Variants in SLC24A2 observed in about 807,000 individuals in gnomAD.
SLC24A2 encodes the protein solute carrier family 24 member 2, also known as sodium/potassium/calcium exchanger 2.
In SLC24A2, 36 loss-of-function variants were observed where a neutral mutation model predicts 62.0. The observed-to-expected ratio is 0.58, with a 90% confidence interval of 0.44 to 0.77. SLC24A2 has a LOEUF of 0.77. SLC24A2 is among the 30% of genes least tolerant of loss of function. The pLI is 0.00. For missense variants in SLC24A2, 846 were observed against 817.9 expected, an observed-to-expected ratio of 1.03 and a Z score of -0.42; for synonymous variants, 358 against 294.0, an observed-to-expected ratio of 1.22 and a Z score of -2.23.
the SLC24A2 span, among the ~76,000 whole-genome samples, chr9:20,232,629 CT>C: frequency 3.3e-5 from 5 of 151,904 alleles, no homozygotes; most frequent in South Asian, 2.1e-4. Context: ...TCTCTCTTTT[CT>C]TCTTTATTAG....
chr9:20,238,821 G>T, the SLC24A2 span, among the ~76,000 whole-genome samples: 858 of 152,318 alleles, frequency 5.6e-3, 4 homozygotes, highest in African/African-American at 0.019. Context: ...TATAGTTAAG[G>T]TTAAATGATA....
the SLC24A2 span, among the ~76,000 whole-genome samples, chr9:20,300,777 T>C: frequency 6.6e-6 from 1 of 152,214 alleles, no homozygotes; most frequent in Admixed American, 6.5e-5. Context: ...GTCTGGAACT[T>C]ATTAAAGACT....
At chr9:20,283,751 AGG>A in the SLC24A2 span, among the ~76,000 whole-genome samples, 16,042 of 79,548 alleles carry the variant, frequency 0.2, 1,730 homozygotes, top group East Asian at 0.6. Context: ...AGAAAAAAAA[AGG>A]GGGGGGGGGG....
chr9:19,682,818 G>A (rs1353393115), intron 2 of SLC24A2, among the ~76,000 whole-genome samples: 6 of 152,022 alleles, frequency 3.9e-5, no homozygotes, highest in Non-Finnish European at 8.8e-5. Context: ...TGGAAGAGGT[G>A]GAAAATTTTT....
chr9:19,691,317 G>A (rs1388814311), intron 2 of SLC24A2, among the ~76,000 whole-genome samples: 7 of 152,318 alleles, frequency 4.6e-5, no homozygotes, highest in Admixed American at 4.6e-4. Flanking sequence ...ACTCACACTA[G>A]TGGGGCTCCC....
rs1364562706 is a variant in SLC24A2, at chr9:19,632,479, T to C, written c.931-10180A>G. 6.6e-6 allele frequency among the ~76,000 whole-genome samples: 1 copy of C among 152,202 alleles called. No homozygotes were observed. Among genetic ancestry groups the C allele is most frequent in the Non-Finnish European group, 1.5e-5 (1 of 68,030 alleles). ...GTGTATATTCTAGCCTAGATCTCAC[T>C]TCCAAGACACATTCTTCCAATTAAG... On this transcript the variant is annotated intron_variant, in intron 2 of 10. Coordinates refer to ENST00000341998, the MANE Select transcript of SLC24A2 (RefSeq NM_020344.4). The surrounding 1 kb of genome is among the most constrained non-coding windows in gnomAD (Gnocchi z 4.5).
chr9:19,656,692 C>T (rs1308504939), intron 2 of SLC24A2, among the ~76,000 whole-genome samples: 3 of 152,188 alleles, frequency 2.0e-5, no homozygotes, highest in African/African-American at 7.2e-5. Flanking sequence ...CATTTCCTTC[C>T]CAGTTCCTCC....
the SLC24A2 span, among the ~76,000 whole-genome samples, chr9:20,163,992 T>G: frequency 2.0e-5 from 3 of 152,192 alleles, no homozygotes; most frequent in African/African-American, 7.2e-5. Flanking sequence ...CAAGATGGAT[T>G]AAAGACTTAC....
At chr9:19,719,062 C>A (rs1208328554) in intron 2 of SLC24A2, among the ~76,000 whole-genome samples, 1 of 152,170 alleles carries the variant, frequency 6.6e-6, no homozygotes, top group Non-Finnish European at 1.5e-5. Context: ...TCTACCTCTA[C>A]TTCATATAAT....
the SLC24A2 span, among the ~76,000 whole-genome samples, chr9:20,294,356 G>A: frequency 6.6e-6 from 1 of 152,098 alleles, no homozygotes; most frequent in African/African-American, 2.4e-5. Context: ...TCCCGCCCTA[G>A]GAAGGAATTA....
At chr9:20,282,616 A>G in the SLC24A2 span, among the ~76,000 whole-genome samples, 2 of 152,192 alleles carry the variant, frequency 1.3e-5, no homozygotes, top group Non-Finnish European at 2.9e-5. Context: ...ATGAATTGGT[A>G]TCTTTTCAAC....
At chr9:20,112,680 T>G in the SLC24A2 span, among the ~76,000 whole-genome samples, 1 of 152,148 alleles carries the variant, frequency 6.6e-6, no homozygotes, top group Non-Finnish European at 1.5e-5. Context: ...CTGTAGGGTC[T>G]GTGTCAGCCC....
Position 19,543,510 on chromosome 9 carries a change from T to C in SLC24A2, c.1479+6627A>G, listed in dbSNP as rs140653467. Among the ~76,000 whole-genome samples, 142 of 152,318 alleles carry C rather than the reference T, an allele frequency of 9.3e-4. 3 individuals are homozygous for C. Among genetic ancestry groups the C allele is most frequent in the African/African-American group, 3.1e-3 (127 of 41,558 alleles). ...GTTTGCTCTTGCTTCTCTAGTTCTTTTAATTTTGATGTTAGGGTGTCGATT... is the reference window on the plus strand; with the variant it reads ...GTTTGCTCTTGCTTCTCTAGTTCTTCTAATTTTGATGTTAGGGTGTCGATT... On this transcript the variant is annotated intron_variant, in intron 8 of 10. Transcript: ENST00000341998.
the SLC24A2 span, among the ~76,000 whole-genome samples, chr9:20,130,532 A>C: frequency 6.6e-6 from 1 of 152,080 alleles, no homozygotes; most frequent in East Asian, 1.9e-4. Context: ...GGGTTGTTTA[A>C]AAAAGGCTAG....
chr9:19,589,210 A>G (rs1836473887), intron 5 of SLC24A2, among the ~76,000 whole-genome samples: 2 of 152,380 alleles, frequency 1.3e-5, no homozygotes, highest in African/African-American at 4.8e-5. Flanking sequence ...TCAACAAGGA[A>G]TGAAAATATC....
At chr9:20,188,534 G>A in the SLC24A2 span, among the ~76,000 whole-genome samples, 1 of 152,142 alleles carries the variant, frequency 6.6e-6, no homozygotes, top group African/African-American at 2.4e-5. Context: ...TTACATTTAT[G>A]TATATGGTGA....
chr9:19,987,553 C>G, the SLC24A2 span, among the ~76,000 whole-genome samples: 1 of 152,090 alleles, frequency 6.6e-6, no homozygotes, highest in African/African-American at 2.4e-5. Flanking sequence ...GCTTAAATGC[C>G]CCACTTACCA....
At chr9:19,894,193 C>T in the SLC24A2 span, among the ~76,000 whole-genome samples, 1 of 152,156 alleles carries the variant, frequency 6.6e-6, no homozygotes, top group Non-Finnish European at 1.5e-5. Context: ...CTATGTGGTC[C>T]AGAGACTAGA....
the SLC24A2 span, among the ~76,000 whole-genome samples, chr9:19,831,242 G>C: frequency 1.3e-5 from 2 of 152,262 alleles, no homozygotes; most frequent in South Asian, 2.1e-4. Context: ...AGAAATTCTG[G>C]TCACTAGCTA....
Sources: gnomAD v4.1 joint callset for allele counts (sites outside exome capture counted in the v4.1 genomes callset) on GRCh38, gnomAD v4.1.1 for gene constraint, Gnocchi (gnomAD v3.1) non-coding constraint, MANE v1.5 for transcripts, NCBI Gene and HGNC (gene_info 2026-07-23, HGNC 2026-07-21) for gene names.